Variants in LMTK2 observed in about 807,000 individuals in gnomAD.
LMTK2 encodes the protein lemur tail kinase 2, also known as serine/threonine-protein kinase LMTK2.
A neutral mutation model predicts 127.5 loss-of-function variants in LMTK2; 37 were observed. The observed-to-expected ratio is 0.29, with a 90% CI of 0.22 to 0.38. The LOEUF (loss-of-function observed/expected upper bound fraction) is 0.38. Ranked by LOEUF, LMTK2 falls within the 10% of genes least tolerant of loss-of-function variation. The pLI, the probability that LMTK2 is intolerant of heterozygous loss-of-function variation, is 1.00. For missense variants in LMTK2, 1,694 were observed against 1,920.3 expected (o/e 0.88, Z 2.20); for synonymous variants, 819 against 810.1 (o/e 1.01, Z -0.19).
At position 98,203,969 on chromosome 7, in the gene LMTK2, C is replaced by T; in HGVS notation, c.4266C>T (p.Asp1422=). ...EEGGGFEWDD[D]FSPDPFMSKT... The stretch of plus-strand genomic sequence containing the variant: ...GTGGTGGCTTTGAGTGGGATGATGA[C>T]TTCTCCCCAGATCCTTTTATGTCAA... The change falls in exon 13 of 14, where the codon GAC becomes GAT. Residue 1422 remains aspartate, a synonymous_variant. Coordinates refer to ENST00000297293, the MANE Select transcript of LMTK2 (RefSeq NM_014916.4). The T allele has an allele frequency of 6.2e-7, 1 of 1,614,084 alleles. No individual in the cohort carries two copies. Among genetic ancestry groups the T allele is most frequent in the Non-Finnish European group, 8.5e-7 (1 of 1,179,980 alleles).
chr7:98,191,951 G>A lies in LMTK2; in HGVS notation c.1486G>A (p.Glu496Lys), dbSNP rs748418035. ...FDERSRGHLD[E>K]GLSYTSIFYP... is the part of the protein sequence containing the mutation. ...CGAGCGCAGCCGGGGCCACCTGGAC[G>A]AAGGCTTGTCCTACACGAGCATCTT... Residue 496 changes from glutamate (E) to lysine (K), a missense_variant, in exon 11 of 14, where the codon GAA (glutamate) becomes AAA (lysine). Transcript: ENST00000297293. 9 of 1,614,030 alleles carry A rather than the reference G, an allele frequency of 5.6e-6. No individual in the cohort carries two copies. The highest frequency in any genetic ancestry group is 3.3e-5 in the Admixed American group (2 of 60,010).
chr7:98,170,599 G>C (rs1273918425), intron 6 of LMTK2, among the ~76,000 whole-genome samples: 1 of 149,910 alleles, frequency 6.7e-6, no homozygotes, highest in Non-Finnish European at 1.5e-5. Flanking sequence ...CAGATTTAAA[G>C]AACACTGAAA....
chr7:98,118,296 C>G (rs2116325697), intron 1 of LMTK2, among the ~76,000 whole-genome samples: 1 of 152,232 alleles, frequency 6.6e-6, no homozygotes, highest in East Asian at 1.9e-4. Flanking sequence ...TTCGATTTAC[C>G]TCCTCCAAGA....
At position 98,203,695 on chromosome 7, in the gene LMTK2, C is replaced by T. The variant is rs757663394; in HGVS notation, c.4229C>T (p.Thr1410Ile). ...LSRCINSESS[T>I]DEEGGGFEWD... ...AGGTGCATCAACTCCGAAAGCTCCA[C>T]CGACGAAGAAGGTATTTCACGTCAT... The change falls in exon 12 of 14, where the codon ACC becomes ATC. Residue 1410 changes from threonine (T) to isoleucine (I), a missense_variant. Coordinates refer to ENST00000297293, the MANE Select transcript of LMTK2 (RefSeq NM_014916.4). 117 of 1,613,646 alleles carry T rather than the reference C, an allele frequency of 7.3e-5. No homozygotes were observed. Among genetic ancestry groups the T allele is most frequent in the Non-Finnish European group, 8.8e-5 (104 of 1,179,980 alleles).
In LMTK2 at chr7:98,107,214, C is replaced by G. The variant is rs758625666; in HGVS notation, c.37C>G (p.Leu13Val). The change falls in exon 1 of 14, where the codon CTG becomes GTG. Residue 13 changes from leucine to valine, a missense_variant. Physicochemically the swap from Leu to Val is conservative, Grantham distance 32. Coordinates refer to ENST00000297293, the MANE Select transcript of LMTK2 (RefSeq NM_014916.4). ...GCCGGCGTTGCGGCGGAGGCTGCTG[C>G]TGCTGCTGCTGGTCCTCCTGATCGC... ...GPPALRRRLLLLLLVLLIAGS... is the reference protein window; with the variant it reads ...GPPALRRRLLVLLLVLLIAGS... The G allele has an allele frequency of 2.4e-5, 35 of 1,464,020 alleles. No homozygotes were observed. Among genetic ancestry groups the G allele is most frequent in the Middle Eastern group, 2.3e-4 (1 of 4,270 alleles). The allele number at this position is 1,464,020 out of a possible 1,614,324, so 90.7% of individuals were successfully genotyped here. A position where few individuals can be genotyped will look rare whatever the true frequency, so the allele number is the denominator to read the frequency against.
chr7:98,191,182 A>G (rs1797517847), intron 10 of LMTK2, among the ~76,000 whole-genome samples: 1 of 152,176 alleles, frequency 6.6e-6, no homozygotes, highest in African/African-American at 2.4e-5. Flanking sequence ...CTCCTGGCTC[A>G]AGTGATCCTC....
At chr7:98,139,121 T>A (rs1796640050) in intron 2 of LMTK2, among the ~76,000 whole-genome samples, 1 of 152,208 alleles carries the variant, frequency 6.6e-6, no homozygotes, top group African/African-American at 2.4e-5. Flanking sequence ...CAGGCTTATC[T>A]AATTTTTCTT....
At chr7:98,138,286 A>T (rs1281608492) in intron 2 of LMTK2, among the ~76,000 whole-genome samples, 7 of 152,192 alleles carry the variant, frequency 4.6e-5, no homozygotes, top group African/African-American at 1.7e-4. Context: ...ATTGAGGGAA[A>T]AAAAAGGTCG....
intron 2 of LMTK2, among the ~76,000 whole-genome samples, chr7:98,139,032 C>T (rs897551257): frequency 3.9e-5 from 6 of 152,178 alleles, no homozygotes; most frequent in Non-Finnish European, 7.3e-5. Flanking sequence ...TTTTACAGAC[C>T]AGGAAGCTAC....
chr7:98,165,012 C>T (rs775691771), intron 6 of LMTK2, among the ~76,000 whole-genome samples: 26 of 152,166 alleles, frequency 1.7e-4, no homozygotes, highest in Non-Finnish European at 3.7e-4. Flanking sequence ...TCCACTGTTT[C>T]TGAAGGCAGT....
At position 98,194,493 on chromosome 7, in the gene LMTK2, A is replaced by T; in HGVS notation, c.4028A>T (p.Asp1343Val). 6.2e-7 allele frequency: 1 copy of T among 1,613,772 alleles called. No homozygotes were observed. The highest frequency in any genetic ancestry group is 2.2e-5 in the East Asian group (1 of 44,870). ...LLKPTAANAP[D>V]PLPEDWKKEK... ...AAGCCCACAGCGGCCAATGCCCCCG[A>T]CCCACTGCCCGAGGACTGGAAGAAG... Residue 1343 changes from aspartate (D) to valine (V), a missense_variant, in exon 11 of 14, where the codon GAC becomes GTC. By Grantham distance (152) the Asp-to-Val change is radical. Transcript: ENST00000297293. This position sits in a 1 kb window ranked among gnomAD's most constrained non-coding sequence, Gnocchi z 5.4.
Position 98,194,243 on chromosome 7 carries a change from G to C in LMTK2, c.3778G>C (p.Asp1260His). The stretch of plus-strand genomic sequence containing the variant: ...CGAGGGCCCGAAGTTGAAGGAGCCG[G>C]ACATCGAAGGGAAGTACCTGGGGAA... ...HSEGPKLKEPDIEGKYLGKLG... is the reference protein window; with the variant it reads ...HSEGPKLKEPHIEGKYLGKLG... Residue 1260 changes from aspartate (D) to histidine (H), a missense_variant, in exon 11 of 14, where the codon GAC (aspartate) becomes CAC (histidine). This residue lies in a region of LMTK2 where 554 missense variants were observed against 567.7 expected (regional missense o/e 0.98). Coordinates refer to ENST00000297293, the MANE Select transcript of LMTK2 (RefSeq NM_014916.4). This position sits in a 1 kb window ranked among gnomAD's most constrained non-coding sequence, Gnocchi z 5.4. The C allele has an allele frequency of 6.2e-7, 1 of 1,614,162 alleles. No individual in the cohort carries two copies.
In LMTK2 at chr7:98,109,394, T is replaced by C. The variant is rs965008758; in HGVS notation, c.103+2114T>C. 3.9e-5 allele frequency among the ~76,000 whole-genome samples: 6 copies of C among 152,168 alleles called. No individual in the cohort carries two copies. In the East Asian group the frequency reaches 9.7e-4, roughly 25 times the overall value. On this transcript the variant is annotated intron_variant, in intron 1 of 13. Transcript: ENST00000297293. ...CTGATCTTTGTAGGATAGGTGTATA[T>C]GTTTTGACGTGTTGCATATGAATAA...
Position 98,192,005 on chromosome 7 carries a change from C to T in LMTK2, c.1540C>T (p.Leu514Phe). The stretch of plus-strand genomic sequence containing the variant: ...TCCGGTTGAAGTTTTTGAGAGTTCG[C>T]TTTCAGATCCTGGGCCCGGAAAGCA... The part of the protein sequence containing the change: ...FYPVEVFESS[L>F]SDPGPGKQDD... The change falls in exon 11 of 14, where the codon CTT becomes TTT. Residue 514 changes from leucine (L) to phenylalanine (F), a missense_variant. Leu to Phe is a conservative substitution (Grantham distance 22). Around this residue, in one of 8 missense-constraint regions of LMTK2, gnomAD observed 216 missense variants for 266.8 expected, o/e 0.81. Coordinates refer to ENST00000297293, the MANE Select transcript of LMTK2 (RefSeq NM_014916.4). 11 of 1,610,288 alleles carry T rather than the reference C, an allele frequency of 6.8e-6. No homozygotes were observed. Among genetic ancestry groups the T allele is most frequent in the Non-Finnish European group, 9.3e-6 (11 of 1,176,798 alleles).
At chr7:98,187,027 C>A in intron 9 of LMTK2, 29 bp downstream of exon 9, 2 of 1,591,276 alleles carry the variant, frequency 1.3e-6, no homozygotes, top group South Asian at 2.3e-5. Flanking sequence ...TTTTATTAGT[C>A]ATTTCTTTGG....
chr7:98,186,902 A>T lies in LMTK2; in HGVS notation c.902A>T (p.Lys301Ile), dbSNP rs1387877067. The T allele has an allele frequency of 6.2e-7, 1 of 1,613,364 alleles. No individual in the cohort carries two copies. The highest frequency in any genetic ancestry group is 8.5e-7 in the Non-Finnish European group (1 of 1,179,472). ...YKEDYIETDD[K>I]KVFPLRWTAP... ...GAGGATTATATTGAAACAGATGATAAAAAAGTTTTCCCTCTGCGATGGACT... is the reference window on the plus strand; with the variant it reads ...GAGGATTATATTGAAACAGATGATATAAAAGTTTTCCCTCTGCGATGGACT... Residue 301 changes from lysine (K) to isoleucine (I), a missense_variant, in exon 9 of 14, where the codon AAA becomes ATA. Physicochemically the swap from Lys to Ile is moderately radical, Grantham distance 102. This residue lies in a region of LMTK2 where 47 missense variants were observed against 95.4 expected (regional missense o/e 0.49). Transcript: ENST00000297293.
chr7:98,149,105 G>A (rs978339943), intron 3 of LMTK2, among the ~76,000 whole-genome samples: 3 of 152,228 alleles, frequency 2.0e-5, no homozygotes, highest in African/African-American at 7.2e-5. Context: ...CATCCTGATA[G>A]AATTGTGAGT....
intron 1 of LMTK2, among the ~76,000 whole-genome samples, chr7:98,117,668 T>A (rs1299737231): frequency 6.6e-6 from 1 of 152,114 alleles, no homozygotes. Context: ...GAGAGTGATA[T>A]GAGAAACCAA....
intron 3 of LMTK2, among the ~76,000 whole-genome samples, chr7:98,147,201 C>G (rs1449955297): frequency 2.0e-5 from 3 of 151,742 alleles, no homozygotes. Flanking sequence ...GTTTGTGTCT[C>G]AGTATGGATC....
Sources: allele counts gnomAD v4.1 joint callset (sites outside exome capture counted in the v4.1 genomes callset), GRCh38; gene constraint gnomAD v4.1.1; regional missense constraint gnomAD v4.1.1; non-coding constraint Gnocchi (gnomAD v3.1); transcripts MANE v1.5; gene names NCBI Gene and HGNC (gene_info 2026-07-23, HGNC 2026-07-21).